Variants in MMP9 observed in about 807,000 individuals in gnomAD.
MMP9 encodes matrix metallopeptidase 9.
Under a neutral mutation model 76.4 loss-of-function variants are expected in MMP9, and 73 were observed. The ratio of observed to expected loss-of-function variants is 0.96; its 90% CI spans 0.79 to 1.16. The LOEUF (loss-of-function observed/expected upper bound fraction) is 1.16. Among genes scored for constraint, MMP9 ranks in the 50% most tolerant of loss-of-function variants. The pLI, the probability that MMP9 is intolerant of heterozygous loss-of-function variation, is 0.00. For missense variants in MMP9, 943 were observed against 973.0 expected, an observed-to-expected ratio of 0.97 and a Z score of 0.41; for synonymous variants, 412 against 408.4, an observed-to-expected ratio of 1.01 and a Z score of -0.11.
chr20:46,008,973 G>T lies in MMP9; in HGVS notation c.47G>T (p.Cys16Phe), dbSNP rs202188479. The change falls in exon 1 of 13, where the codon TGC (cysteine) becomes TTC (phenylalanine). Residue 16 changes from cysteine to phenylalanine, a missense_variant. Transcript: ENST00000372330. ...PLVLVLLVLG[C>F]CFAAPRQRQS... ...GTCCTGGTGCTCCTGGTGCTGGGCT[G>T]CTGCTTTGCTGCCCCCAGACAGCGC... 3 of 1,613,858 alleles carry T rather than the reference G, an allele frequency of 1.9e-6. No individual in the cohort carries two copies. The highest frequency in any genetic ancestry group is 2.5e-6 in the Non-Finnish European group (3 of 1,179,958).
At position 46,015,453 on chromosome 20, in the gene MMP9, C is replaced by CTT. The variant is rs199508388; in HGVS notation, c.2006-783_2006-782dup. Among the ~76,000 whole-genome samples the CTT allele has an allele frequency of 6.9e-3, 869 of 125,570 alleles. 25 individuals are homozygous for CTT. The highest frequency in any genetic ancestry group is 0.017 in the African/African-American group (570 of 32,606). 82.4% of individuals were successfully genotyped at this position (125,570 alleles called of 152,430 possible). A position where few individuals can be genotyped will look rare whatever the true frequency, so the allele number is the denominator to read the frequency against. ...TATATTTTCTTTTTTTTTCTTTTTT[C>CTT]TTTTTTTTTTTTTTTGAGATGGAGT... On this transcript the variant is annotated intron_variant, in intron 12 of 12. Coordinates refer to ENST00000372330, the MANE Select transcript of MMP9 (RefSeq NM_004994.3).
intron 2 of MMP9, among the ~76,000 whole-genome samples, 156 bp from the exon 3 acceptor site, chr20:46,010,327 A>AAAAAAAAAAAAAAAAAC (rs1205622328): frequency 9.4e-6 from 1 of 106,354 alleles, no homozygotes; most frequent in African/African-American, 3.1e-5. Flanking sequence ...TAGACAAAAA[A>AAAAAAAAAAAAAAAAAC]AAAAAAAAAA....
rs769681535 is a variant in MMP9, at chr20:46,010,615, C to T, written c.504C>T (p.Ile168=). The change falls in exon 3 of 13, where the codon ATC becomes ATT. Residue 168 remains isoleucine, a synonymous_variant. Coordinates refer to ENST00000372330, the MANE Select transcript of MMP9 (RefSeq NM_004994.3). Reference sequence around the variant, plus strand: ...ACAGCCGGGACGCAGACATCGTCATCCAGTTTGGTGTCGCGGGTGAGAACG... The same window carrying T: ...ACAGCCGGGACGCAGACATCGTCATTCAGTTTGGTGTCGCGGGTGAGAACG... The part of the protein sequence containing the change: ...RVYSRDADIV[I]QFGVAEHGDG... The T allele has an allele frequency of 1.2e-6, 2 of 1,613,656 alleles. No homozygotes were observed. Among genetic ancestry groups the T allele is most frequent in the African/African-American group, 1.3e-5 (1 of 74,946 alleles).
intron 11 of MMP9, 32 bp downstream of exon 11, chr20:46,014,306 G>C (rs1158821798): frequency 6.5e-7 from 1 of 1,535,312 alleles, no homozygotes; most frequent in Admixed American, 2.0e-5. Flanking sequence ...GGCAGGGGGA[G>C]CCCGGGCGCC....
At position 46,011,610 on chromosome 20, in the gene MMP9, C is replaced by T; in HGVS notation, c.860C>T (p.Pro287Leu). The stretch of plus-strand genomic sequence containing the variant: ...CAGGACGGCAATGCTGATGGGAAAC[C>T]CTGCCAGTTTCCATTCATCTTCCAA... ...YTQDGNADGK[P>L]CQFPFIFQGQ... The change falls in exon 6 of 13, where the codon CCC becomes CTC. Residue 287 changes from proline to leucine, a missense_variant. By Grantham distance (98) the Pro-to-Leu change is moderately conservative. Transcript: ENST00000372330. 6.2e-7 allele frequency: 1 copy of T among 1,613,900 alleles called. No homozygotes were observed.
At chr20:46,015,513 C>T (rs188507601) in intron 12 of MMP9, among the ~76,000 whole-genome samples, 36 of 145,792 alleles carry the variant, frequency 2.5e-4, no homozygotes, top group Admixed American at 2.2e-3. Flanking sequence ...TGCAGTGGCA[C>T]GATCTCAGCT....
Position 46,016,344 on chromosome 20 carries a change from C to T in MMP9, c.2100C>T (p.Asp700=). ...QVDQVGYVTY[D]ILQCPED is the part of the protein sequence containing the mutation. ...ACCAAGTGGGCTACGTGACCTATGA[C>T]ATCCTGCAGTGCCCTGAGGACTAGG... Residue 700 remains aspartate (D), a synonymous_variant, in exon 13 of 13, where the codon GAC becomes GAT. Coordinates refer to ENST00000372330, the MANE Select transcript of MMP9 (RefSeq NM_004994.3). The T allele has an allele frequency of 6.2e-7, 1 of 1,614,132 alleles. No homozygotes were observed. Among genetic ancestry groups the T allele is most frequent in the Non-Finnish European group, 8.5e-7 (1 of 1,179,988 alleles).
chr20:46,016,485 A>T lies in MMP9; in HGVS notation c.*117A>T. The T allele has an allele frequency of 2.3e-6, 2 of 858,134 alleles. No individual in the cohort carries two copies. Among genetic ancestry groups the T allele is most frequent in the Non-Finnish European group, 2.0e-6 (1 of 504,442 alleles). 53.2% of individuals were successfully genotyped at this position (858,134 alleles called of 1,614,324 possible). A position where few individuals can be genotyped will look rare whatever the true frequency, so the allele number is the denominator to read the frequency against. The stretch of plus-strand genomic sequence containing the variant: ...TGTTCTGGAGGAAAGGGAGGAGTGG[A>T]GGTGGGCTGGGCCCTCTCTTCTCAC... On this transcript the variant is annotated 3_prime_UTR_variant, in exon 13 of 13. Transcript: ENST00000372330.
chr20:46,012,446 G>A lies in MMP9; in HGVS notation c.1194G>A (p.Val398=). Residue 398 remains valine, a synonymous_variant, in exon 8 of 13, where the codon GTG becomes GTA. Coordinates refer to ENST00000372330, the MANE Select transcript of MMP9 (RefSeq NM_004994.3). ...CTCCAGGATACAGTTTGTTCCTCGT[G>A]GCGGCGCATGAGTTCGGCCACGCGC... ...CPDQGYSLFL[V]AAHEFGHALG... 6.2e-7 allele frequency: 1 copy of A among 1,614,186 alleles called. No homozygotes were observed. The highest frequency in any genetic ancestry group is 8.5e-7 in the Non-Finnish European group (1 of 1,180,018).
In MMP9 at chr20:46,012,442, T is replaced by C. The variant is rs1301558887; in HGVS notation, c.1190T>C (p.Leu397Pro). 3 of 1,614,012 alleles carry C rather than the reference T, an allele frequency of 1.9e-6. No homozygotes were observed. Among genetic ancestry groups the C allele is most frequent in the Non-Finnish European group, 2.5e-6 (3 of 1,180,000 alleles). The change falls in exon 8 of 13, where the codon CTC (leucine) becomes CCC (proline). Residue 397 changes from leucine to proline, a missense_variant. Transcript: ENST00000372330. ...CTCCCTCCAGGATACAGTTTGTTCC[T>C]CGTGGCGGCGCATGAGTTCGGCCAC... Reference protein sequence around the residue: ...FCPDQGYSLFLVAAHEFGHAL... With the variant: ...FCPDQGYSLFPVAAHEFGHAL...
At chr20:46,009,841 C>T (rs1398532353) in intron 1 of MMP9, 25 bp from the exon 2 acceptor site, 2 of 1,543,392 alleles carry the variant, frequency 1.3e-6, no homozygotes, top group Admixed American at 3.9e-5. Flanking sequence ...AGAGATCTGG[C>T]ATGTGTGTGT....
intron 2 of MMP9, 109 bp downstream of exon 2, chr20:46,010,207 T>A: frequency 1.9e-6 from 2 of 1,053,606 alleles, no homozygotes; most frequent in Non-Finnish European, 2.7e-6. Context: ...TTTCACTATT[T>A]AATGTGTGGC....
chr20:46,012,706 CT>C, intron 8 of MMP9, 124 bp downstream of exon 8: 1 of 1,410,594 alleles, frequency 7.1e-7, no homozygotes, highest in Non-Finnish European at 9.6e-7. Context: ...ACCTCAACGT[CT>C]GTCTGGAAGC....
At position 46,012,536 on chromosome 20, in the gene MMP9, GC is replaced by G; in HGVS notation, c.1290del (p.Leu431CysfsTer6). The part of the protein sequence containing the change: ...MYPMYRFTEG[P>X]PLHKDDVNGI... ...ACCCTATGTACCGCTTCACTGAGGG[GC>G]CCCCCTTGCATAAGGACGACGTGAA... On this transcript the variant is annotated frameshift_variant, in exon 8 of 13. Coordinates refer to ENST00000372330, the MANE Select transcript of MMP9 (RefSeq NM_004994.3). LOFTEE classifies it high-confidence loss of function. 6.2e-7 allele frequency: 1 copy of G among 1,614,124 alleles called. No homozygotes were observed. Among genetic ancestry groups the G allele is most frequent in the Non-Finnish European group, 8.5e-7 (1 of 1,180,032 alleles).
At position 46,008,929 on chromosome 20, in the gene MMP9, GA is replaced by G; in HGVS notation, c.4del (p.Ser2AlafsTer34). The part of the protein sequence containing the change: M[S>X]LWQPLVLVLL... ...AGTCAGACACCTCTGCCCTCACCAT[GA>G]GCCTCTGGCAGCCCCTGGTCCTGGT... On this transcript the variant is annotated frameshift_variant, in exon 1 of 13. Coordinates refer to ENST00000372330, the MANE Select transcript of MMP9 (RefSeq NM_004994.3). LOFTEE classifies it high-confidence loss of function. 2 of 1,613,424 alleles carry G rather than the reference GA, an allele frequency of 1.2e-6. No homozygotes were observed.
intron 3 of MMP9, 63 bp downstream of exon 3, chr20:46,010,694 G>A: frequency 6.4e-7 from 1 of 1,568,654 alleles, no homozygotes; most frequent in Non-Finnish European, 8.7e-7. Flanking sequence ...GAGGACCACG[G>A]AGAGCGTGGA....
At chr20:46,009,792 A>T in intron 1 of MMP9, 74 bp from the exon 2 acceptor site, 2 of 1,279,204 alleles carry the variant, frequency 1.6e-6, no homozygotes, top group Non-Finnish European at 1.1e-6. Flanking sequence ...GAGTGTCTGG[A>T]GGGAGTCCTT....
chr20:46,015,190 C>T (rs143548907), intron 12 of MMP9, among the ~76,000 whole-genome samples: 18 of 152,280 alleles, frequency 1.2e-4, no homozygotes, highest in African/African-American at 3.9e-4. Context: ...TCTTCCCACT[C>T]CTCCTGTTAT....
At chr20:46,010,888 G>A in intron 3 of MMP9, 34 bp from the exon 4 acceptor site, 2 of 1,614,146 alleles carry the variant, frequency 1.2e-6, no homozygotes, top group Non-Finnish European at 1.7e-6. Context: ...AGCAGTACTC[G>A]GCTAACCCTC....
Sources: allele counts gnomAD v4.1 joint callset (sites outside exome capture counted in the v4.1 genomes callset), GRCh38; gene constraint gnomAD v4.1.1; transcripts MANE v1.5; gene names NCBI Gene and HGNC (gene_info 2026-07-23, HGNC 2026-07-21).